The following TMEM132C variants were observed in gnomAD, a reference collection of about 807,000 sequenced individuals.
The protein encoded by TMEM132C is protein phosphatase 1, regulatory subunit 152.
Under a neutral mutation model 61.4 loss-of-function variants are expected in TMEM132C, and 29 were observed. The ratio of observed to expected loss-of-function variants is 0.47; its 90% CI spans 0.35 to 0.64. The LOEUF (loss-of-function observed/expected upper bound fraction) is 0.64. TMEM132C is among the 30% of genes least tolerant of loss of function. The pLI, the probability that TMEM132C is intolerant of heterozygous loss-of-function variation, is 0.00. For missense variants in TMEM132C, 1,408 were observed against 1,476.9 expected, an observed-to-expected ratio of 0.95 and a Z score of 0.76; for synonymous variants, 656 against 633.1, an observed-to-expected ratio of 1.04 and a Z score of -0.54.
intron 1 of TMEM132C, among the ~76,000 whole-genome samples, chr12:128,370,111 C>A (rs1464306486): frequency 6.6e-6 from 1 of 152,152 alleles, no homozygotes; most frequent in African/African-American, 2.4e-5. Context: ...TTTCATGGAA[C>A]AAATCCACTG....
chr12:128,580,158 G>T (rs191288892), intron 3 of TMEM132C, among the ~76,000 whole-genome samples: 3 of 152,184 alleles, frequency 2.0e-5, no homozygotes, highest in Admixed American at 6.5e-5. Context: ...TTGTTGGAAG[G>T]ATTAAAAAAC....
At chr12:128,290,848 C>A (rs201271314) in intron 1 of TMEM132C, among the ~76,000 whole-genome samples, 177 of 139,500 alleles carry the variant, frequency 1.3e-3, no homozygotes, top group Middle Eastern at 7.3e-3. Context: ...GCTCATTTAA[C>A]AAAAAAAAAA....
Position 128,706,016 on chromosome 12 carries a change from C to A in TMEM132C, c.3048C>A (p.Gly1016=). 6.4e-7 allele frequency: 1 copy of A among 1,551,724 alleles called. No homozygotes were observed. The highest frequency in any genetic ancestry group is 8.7e-7 in the Non-Finnish European group (1 of 1,146,998). ...EESNHLLLNG[G]SHKHVQSQIH... ...GCAACCATCTCCTGCTCAATGGTGGCTCCCACAAGCACGTGCAGAGCCAGA... is the reference window on the plus strand; with the variant it reads ...GCAACCATCTCCTGCTCAATGGTGGATCCCACAAGCACGTGCAGAGCCAGA... Residue 1016 remains glycine (G), a synonymous_variant, in exon 9 of 9, where the codon GGC becomes GGA. Coordinates refer to ENST00000435159, the MANE Select transcript of TMEM132C (RefSeq NM_001136103.3).
chr12:128,526,894 G>A (rs1004104414), intron 2 of TMEM132C, among the ~76,000 whole-genome samples: 2 of 152,152 alleles, frequency 1.3e-5, no homozygotes, highest in African/African-American at 4.8e-5. Context: ...GAGGCAGGTG[G>A]GAGCAACAGC....
At chr12:128,561,783 G>A (rs1048275911) in intron 3 of TMEM132C, among the ~76,000 whole-genome samples, 11 of 150,454 alleles carry the variant, frequency 7.3e-5, no homozygotes, top group African/African-American at 2.5e-4. Flanking sequence ...TTTCAAAAAC[G>A]TAATTTTTTC....
chr12:128,608,899 T>C (rs1876518885), intron 3 of TMEM132C, among the ~76,000 whole-genome samples: 1 of 152,266 alleles, frequency 6.6e-6, no homozygotes. Flanking sequence ...GGCATGGATA[T>C]GATTTGCAAT....
At chr12:128,395,297 A>G (rs965573028) in intron 1 of TMEM132C, among the ~76,000 whole-genome samples, 6 of 151,100 alleles carry the variant, frequency 4.0e-5, no homozygotes, top group African/African-American at 1.2e-4. Flanking sequence ...TTGTTTTAAC[A>G]TAATTGTTTT....
chr12:128,448,692 T>C (rs1230765070), intron 2 of TMEM132C, among the ~76,000 whole-genome samples: 1 of 152,230 alleles, frequency 6.6e-6, no homozygotes, highest in Admixed American at 6.5e-5. Flanking sequence ...GTCAAACTGC[T>C]AAGGGACTTT....
chr12:128,398,360 A>G (rs1875035033), intron 1 of TMEM132C, among the ~76,000 whole-genome samples: 2 of 152,222 alleles, frequency 1.3e-5, no homozygotes, highest in African/African-American at 4.8e-5. Flanking sequence ...CTCTCTCCGC[A>G]GGGAAAAATG....
intron 2 of TMEM132C, among the ~76,000 whole-genome samples, chr12:128,492,387 A>G (rs1180882015): frequency 1.3e-5 from 2 of 152,146 alleles, no homozygotes; most frequent in Admixed American, 1.3e-4. Context: ...CGCTGGGTCA[A>G]ATGGTATTTC....
At chr12:128,442,962 A>T (rs1303994683) in intron 2 of TMEM132C, among the ~76,000 whole-genome samples, 1 of 152,208 alleles carries the variant, frequency 6.6e-6, no homozygotes, top group Non-Finnish European at 1.5e-5. Flanking sequence ...GAATGAATAA[A>T]AACTGCCTTG....
chr12:128,542,800 G>A (rs1221638964), intron 2 of TMEM132C, among the ~76,000 whole-genome samples: 1 of 142,340 alleles, frequency 7.0e-6, no homozygotes, highest in African/African-American at 2.7e-5. Flanking sequence ...GGCGGAGGTT[G>A]CAATGAGCCA....
rs780715998 is a variant in TMEM132C, at chr12:128,415,135, C to T, written c.489C>T (p.Ala163=). 28 of 1,609,652 alleles carry T rather than the reference C, an allele frequency of 1.7e-5. No homozygotes were observed. The South Asian group carries it at 1.9e-4, about 11-fold the overall frequency. Residue 163 remains alanine, a synonymous_variant, in exon 2 of 9, where the codon GCC becomes GCT. Coordinates refer to ENST00000435159, the MANE Select transcript of TMEM132C (RefSeq NM_001136103.3). The surrounding 1 kb of genome is among the most constrained non-coding windows in gnomAD (Gnocchi z 5.8). Reference sequence around the variant, plus strand: ...GCAGAGACTGGGATGACCACGGCGCCGGGGAGAAGCTGCCATGCCTGAGGG... The same window carrying T: ...GCAGAGACTGGGATGACCACGGCGCTGGGGAGAAGCTGCCATGCCTGAGGG... ...IMGRDWDDHG[A]GEKLPCLRVF...
At chr12:128,527,707 A>ATGTGTGTGTGTGTGTGTGTG (rs5801799) in intron 2 of TMEM132C, among the ~76,000 whole-genome samples, 61 of 147,196 alleles carry the variant, frequency 4.1e-4, no homozygotes, top group African/African-American at 1.5e-3. Context: ...ATGTGCATGT[A>ATGTGTGTGTGTGTGTGTGTG]TGTGTGTGTG....
intron 3 of TMEM132C, among the ~76,000 whole-genome samples, chr12:128,603,289 T>G (rs1876269370): frequency 6.6e-6 from 1 of 152,206 alleles, no homozygotes; most frequent in Non-Finnish European, 1.5e-5. Flanking sequence ...CTCCTCTTGA[T>G]GGACAGCACA....
chr12:128,319,399 C>G lies in TMEM132C; in HGVS notation c.85+51912C>G, dbSNP rs1384177053. Among the ~76,000 whole-genome samples the G allele has an allele frequency of 2.0e-5, 3 of 147,920 alleles. No homozygotes were observed. In the South Asian group the frequency reaches 6.5e-4, roughly 32 times the overall value. On this transcript the variant is annotated intron_variant, in intron 1 of 8. Transcript: ENST00000435159. ...AGAGAGACAGTGTGTGTGTGTGTGT[C>G]TGTCTGTTGGGCCAAGTGCGGTTCA...
chr12:128,372,066 C>T (rs1874042489), intron 1 of TMEM132C, among the ~76,000 whole-genome samples: 1 of 152,146 alleles, frequency 6.6e-6, no homozygotes, highest in African/African-American at 2.4e-5. Context: ...ATCTTCAGTG[C>T]CATCCTCAGT....
intron 4 of TMEM132C, among the ~76,000 whole-genome samples, chr12:128,621,851 G>A (rs1953966127): frequency 6.6e-6 from 1 of 152,124 alleles, no homozygotes; most frequent in Admixed American, 6.5e-5. Flanking sequence ...ACTAGCGTGG[G>A]GTGTTGCACC....
At chr12:128,275,736 C>G (rs1275940974) in intron 1 of TMEM132C, among the ~76,000 whole-genome samples, 3 of 152,056 alleles carry the variant, frequency 2.0e-5, no homozygotes, top group Non-Finnish European at 2.9e-5. Context: ...ATATTTAATG[C>G]AAAAGTGGAC....
Sources: allele counts gnomAD v4.1 joint callset (sites outside exome capture counted in the v4.1 genomes callset), GRCh38; gene constraint gnomAD v4.1.1; non-coding constraint Gnocchi (gnomAD v3.1); transcripts MANE v1.5; gene names NCBI Gene and HGNC (gene_info 2026-07-23, HGNC 2026-07-21).